RASA2: variants seen among roughly 807,000 people sequenced by gnomAD.
RASA2 encodes ras GTPase-activating protein 2.
Under a neutral mutation model 118.2 loss-of-function variants are expected in RASA2, and 155 were observed. The ratio of observed to expected loss-of-function variants is 1.31; its 90% CI spans 1.15 to 1.50. The LOEUF is 1.50. Ranked by LOEUF, RASA2 falls within the 40% of genes most tolerant of loss-of-function variation. The probability of loss-of-function intolerance (pLI) is 0.00; values close to 1 mark genes in which losing one functional copy is unlikely to be tolerated. For synonymous variants in RASA2, 353 were observed against 349.1 expected, an observed-to-expected ratio of 1.01 and a Z score of -0.12; for missense variants, 1,016 against 1,009.6, an observed-to-expected ratio of 1.01 and a Z score of -0.09.
In RASA2 at chr3:141,580,555, T is replaced by TACACACACACACACAC. The variant is rs10663136; in HGVS notation, c.1674+112_1674+127dup. On this transcript the variant is annotated intron_variant, in intron 16 of 23. Transcript: ENST00000286364. ...CTTCTTCCAAATTAAAAACAAAACA[T>TACACACACACACACAC]ACACACACACACACACACACACAGA... The TACACACACACACACAC allele has an allele frequency of 1.0e-5, 6 of 581,358 alleles. No individual in the cohort carries two copies. The East Asian group carries it at 1.8e-4, about 18-fold the overall frequency. The allele number at this position is 581,358 out of a possible 1,614,324, so 36.0% of individuals were successfully genotyped here.
At position 141,607,714 on chromosome 3, in the gene RASA2, T is replaced by C; in HGVS notation, c.1970T>C (p.Ile657Thr). ...DAIYTIPVKN[I>T]LAVEKLEESS... ...ATCTACACAATCCCAGTAAAAAACA[T>C]TCTTGCTGTGGAAAAACTGGAAGAG... The change falls in exon 20 of 24, where the codon ATT (isoleucine) becomes ACT (threonine). Residue 657 changes from isoleucine (I) to threonine (T), a missense_variant. Physicochemically the swap from Ile to Thr is moderately conservative, Grantham distance 89 (BLOSUM62 -1). This residue lies in a region of RASA2 where 896 missense variants were observed against 836.4 expected (regional missense o/e 1.07). Transcript: ENST00000286364. 1.2e-6 allele frequency: 2 copies of C among 1,600,764 alleles called. No homozygotes were observed. The highest frequency in any genetic ancestry group is 8.5e-7 in the Non-Finnish European group (1 of 1,175,114).
intron 19 of RASA2, among the ~76,000 whole-genome samples, chr3:141,605,202 A>G (rs978097242): frequency 2.0e-5 from 3 of 152,142 alleles, no homozygotes; most frequent in African/African-American, 4.8e-5. Flanking sequence ...ATAACTTTCT[A>G]TTTGAAGATT....
intron 2 of RASA2, among the ~76,000 whole-genome samples, chr3:141,513,569 A>G (rs1456739837): frequency 1.3e-5 from 2 of 152,210 alleles, no homozygotes. Flanking sequence ...TTTGACTAAT[A>G]GTTCTTTTTG....
intron 9 of RASA2, among the ~76,000 whole-genome samples, chr3:141,561,996 A>G (rs2082736168): frequency 6.6e-6 from 1 of 152,000 alleles, no homozygotes; most frequent in Non-Finnish European, 1.5e-5. Flanking sequence ...TCTGTTGTCC[A>G]AGCTGGAGTG....
chr3:141,587,308 C>T (rs556723533), intron 19 of RASA2, among the ~76,000 whole-genome samples: 40 of 152,338 alleles, frequency 2.6e-4, no homozygotes, highest in Admixed American at 7.2e-4. Flanking sequence ...GTAAATGAAG[C>T]CATCTTCCTA....
At chr3:141,581,988 G>GA (rs1296834508) in intron 17 of RASA2, among the ~76,000 whole-genome samples, 1 of 152,142 alleles carries the variant, frequency 6.6e-6, no homozygotes. Context: ...ATATAGTCTA[G>GA]AAGTTAAGAA....
In RASA2 at chr3:141,609,947, C is replaced by G; in HGVS notation, c.2400C>G (p.Ile800Met). Reference sequence around the variant, plus strand: ...CTGATGATTATTCTAACTTTGTAATCGAGGATTCTGTAACAACCTTTAAGA... The same window carrying G: ...CTGATGATTATTCTAACTTTGTAATGGAGGATTCTGTAACAACCTTTAAGA... ...KEPDDYSNFV[I>M]EDSVTTFKTI... The change falls in exon 23 of 24, where the codon ATC (isoleucine) becomes ATG (methionine). Residue 800 changes from isoleucine (I) to methionine (M), a missense_variant. Ile to Met is a conservative substitution (Grantham distance 10). Around this residue, in one of 2 missense-constraint regions of RASA2, gnomAD observed 120 missense variants for 173.2 expected, o/e 0.69. Coordinates refer to ENST00000286364, the MANE Select transcript of RASA2 (RefSeq NM_006506.5). 2 of 1,606,522 alleles carry G rather than the reference C, an allele frequency of 1.2e-6. No individual in the cohort carries two copies. Among genetic ancestry groups the G allele is most frequent in the African/African-American group, 1.3e-5 (1 of 74,528 alleles).
intron 9 of RASA2, among the ~76,000 whole-genome samples, chr3:141,560,615 A>G (rs2082716869): frequency 6.6e-6 from 1 of 152,220 alleles, no homozygotes; most frequent in African/African-American, 2.4e-5. Context: ...ATTCAAATTA[A>G]TGTTCAGACA....
At chr3:141,523,356 C>T (rs1342265297) in intron 3 of RASA2, among the ~76,000 whole-genome samples, 2 of 152,154 alleles carry the variant, frequency 1.3e-5, no homozygotes, top group Non-Finnish European at 2.9e-5. Context: ...AACTCTTATC[C>T]ACCTGCCTTA....
Position 141,570,981 on chromosome 3 carries a change from A to T in RASA2, c.933A>T (p.Leu311Phe), listed in dbSNP as rs777933340. ...CTGATGACCTGGGGTCTCTTCGATT[A>T]AATATATGTTATACAGAAGACTACG... is the stretch of plus-strand genomic sequence containing the variant. ...SKTDDLGSLR[L>F]NICYTEDYVL... Residue 311 changes from leucine to phenylalanine, a missense_variant, in exon 10 of 24, where the codon TTA (leucine) becomes TTT (phenylalanine). By Grantham distance (22) the Leu-to-Phe change is conservative. Transcript: ENST00000286364. The T allele has an allele frequency of 6.2e-7, 1 of 1,612,636 alleles. No individual in the cohort carries two copies. Among genetic ancestry groups the T allele is most frequent in the Admixed American group, 1.7e-5 (1 of 59,868 alleles).
chr3:141,577,362 TTTA>T (rs1229719310), intron 15 of RASA2, among the ~76,000 whole-genome samples: 3 of 152,098 alleles, frequency 2.0e-5, no homozygotes, highest in Non-Finnish European at 4.4e-5. Flanking sequence ...ACAAAGGGGA[TTTA>T]TTATATTTTT....
chr3:141,540,377 G>A lies in RASA2; in HGVS notation c.451-156G>A, dbSNP rs114739321. ...ATATCTTTCAGAACTTTGATCTCTGGTTTTGGTTATTATTCATTTAACAAG... is the reference window on the plus strand; with the variant it reads ...ATATCTTTCAGAACTTTGATCTCTGATTTTGGTTATTATTCATTTAACAAG... On this transcript the variant is annotated intron_variant, in intron 4 of 23. Coordinates refer to ENST00000286364, the MANE Select transcript of RASA2 (RefSeq NM_006506.5). 2.4e-3 allele frequency among the ~76,000 whole-genome samples: 361 copies of A among 152,200 alleles called. 3 individuals are homozygous for A. Among genetic ancestry groups the A allele is most frequent in the African/African-American group, 8.1e-3 (338 of 41,536 alleles).
chr3:141,529,346 A>G (rs2082226341), intron 3 of RASA2, among the ~76,000 whole-genome samples: 1 of 152,096 alleles, frequency 6.6e-6, no homozygotes, highest in Non-Finnish European at 1.5e-5. Context: ...AGGGTCAAAA[A>G]ATTGGGAAGA....
Position 141,516,344 on chromosome 3 carries a change from G to A in RASA2, c.268G>A (p.Glu90Lys). The A allele has an allele frequency of 6.4e-7, 1 of 1,561,300 alleles. No homozygotes were observed. ...EKSLSPFFSE[E>K]FYFEIPRTFQ... ...TCTTTCTAGCCCATTTTTCAGTGAA[G>A]AATTTTACTTTGAGATTCCAAGAAC... The change falls in exon 3 of 24, where the codon GAA (glutamate) becomes AAA (lysine). Residue 90 changes from glutamate to lysine, a missense_variant. Coordinates refer to ENST00000286364, the MANE Select transcript of RASA2 (RefSeq NM_006506.5).
At chr3:141,606,296 G>T (rs2083548140) in intron 19 of RASA2, among the ~76,000 whole-genome samples, 1 of 152,118 alleles carries the variant, frequency 6.6e-6, no homozygotes, top group South Asian at 2.1e-4. Context: ...GATTCTAGGA[G>T]ATTGCTGATA....
rs764846622 is a variant in RASA2, at chr3:141,572,732, T to C, written c.1284+9T>C. ...AACCTATTCTTGATGAGGTACAGAA[T>C]ATATCTCCAACAATGATAGTTTGTG... is the stretch of plus-strand genomic sequence containing the variant. On this transcript the variant is annotated intron_variant, in intron 12 of 23. Coordinates refer to ENST00000286364, the MANE Select transcript of RASA2 (RefSeq NM_006506.5). 1 of 1,544,346 alleles carries C rather than the reference T, an allele frequency of 6.5e-7. No homozygotes were observed. Among genetic ancestry groups the C allele is most frequent in the South Asian group, 1.1e-5 (1 of 87,658 alleles).
chr3:141,502,933 T>G (rs1233091237), intron 1 of RASA2, among the ~76,000 whole-genome samples: 1 of 152,182 alleles, frequency 6.6e-6, no homozygotes, highest in Non-Finnish European at 1.5e-5. Context: ...TCAGCACAGC[T>G]GTATTCAGAA....
chr3:141,531,261 A>G (rs2082254570), intron 4 of RASA2, among the ~76,000 whole-genome samples: 1 of 151,984 alleles, frequency 6.6e-6, no homozygotes, highest in African/African-American at 2.4e-5. Context: ...TATAAAACTC[A>G]TAAATTTTGT....
intron 5 of RASA2, among the ~76,000 whole-genome samples, chr3:141,541,092 T>C (rs2082398811): frequency 6.6e-6 from 1 of 152,272 alleles, no homozygotes; most frequent in African/African-American, 2.4e-5. Context: ...TGGAAATCTG[T>C]TGTAGCCCAA....
Sources: allele counts gnomAD v4.1 joint callset (sites outside exome capture counted in the v4.1 genomes callset), GRCh38; gene constraint gnomAD v4.1.1; regional missense constraint gnomAD v4.1.1; transcripts MANE v1.5; gene names NCBI Gene and HGNC (gene_info 2026-07-23, HGNC 2026-07-21).